The following GARRE1 variants were observed in gnomAD, a reference collection of about 807,000 sequenced individuals.
GARRE1 encodes granule associated Rac and RHOG effector 1.
A neutral mutation model predicts 103.2 loss-of-function variants in GARRE1; 49 were observed. The observed-to-expected ratio is 0.47, with a 90% CI of 0.38 to 0.60. GARRE1 has a LOEUF of 0.60. Among genes scored for constraint, GARRE1 ranks in the 20% least tolerant of loss-of-function variants. The pLI, the probability that GARRE1 is intolerant of heterozygous loss-of-function variation, is 0.00. For synonymous variants in GARRE1, 505 were observed against 532.8 expected, an observed-to-expected ratio of 0.95 and a Z score of 0.72; for missense variants, 1,199 against 1,370.5, an observed-to-expected ratio of 0.87 and a Z score of 1.98.
chr19:34,314,918 T>G (rs2074053269), intron 2 of GARRE1, among the ~76,000 whole-genome samples: 3 of 152,210 alleles, frequency 2.0e-5, no homozygotes, highest in African/African-American at 7.2e-5. Context: ...TGTAGCTCAT[T>G]ATGTAATGAC....
intron 10 of GARRE1, among the ~76,000 whole-genome samples, chr19:34,344,331 C>T (rs2074200293): frequency 6.6e-6 from 1 of 152,278 alleles, no homozygotes; most frequent in East Asian, 1.9e-4. Context: ...TGGCTCACGC[C>T]TGTAATCCCA....
intron 12 of GARRE1, 53 bp from the exon 13 acceptor site, chr19:34,351,461 T>C: frequency 7.3e-7 from 1 of 1,366,720 alleles, no homozygotes; most frequent in Admixed American, 1.7e-5. Flanking sequence ...ACCCTACAGG[T>C]GGGCTGGGCA....
At chr19:34,270,721 G>T (rs2073782221) in intron 1 of GARRE1, among the ~76,000 whole-genome samples, 1 of 152,146 alleles carries the variant, frequency 6.6e-6, no homozygotes, top group Admixed American at 6.6e-5. Flanking sequence ...ACCCGTTATA[G>T]CTTAATTTAT....
At chr19:34,316,636 G>A (rs2591847) in intron 2 of GARRE1, among the ~76,000 whole-genome samples, 61,071 of 152,088 alleles carry the variant, frequency 0.4, 15,065 homozygotes, top group Non-Finnish European at 0.55. Flanking sequence ...AATTTTTAGA[G>A]CAGATATCTG....
intron 1 of GARRE1, chr19:34,296,540 A>G: frequency 6.3e-7 from 1 of 1,595,484 alleles, no homozygotes; most frequent in Non-Finnish European, 8.5e-7. Context: ...TAGCCTCGGC[A>G]CGTGCACTCA....
chr19:34,284,051 G>C (rs1432576435), intron 1 of GARRE1, among the ~76,000 whole-genome samples: 1 of 149,986 alleles, frequency 6.7e-6, no homozygotes, highest in African/African-American at 2.5e-5. Flanking sequence ...AGGATGGTCT[G>C]GATCTCCTGA....
intron 1 of GARRE1, among the ~76,000 whole-genome samples, chr19:34,283,357 T>C (rs1224894061): frequency 2.0e-5 from 3 of 152,242 alleles, no homozygotes; most frequent in African/African-American, 7.2e-5. Flanking sequence ...TCTATTTGGT[T>C]CAAGGATTGG....
chr19:34,282,417 T>C (rs1281522182), intron 1 of GARRE1, among the ~76,000 whole-genome samples: 1 of 152,246 alleles, frequency 6.6e-6, no homozygotes, highest in East Asian at 1.9e-4. Context: ...CCCAAAGTGC[T>C]CGGATTACAG....
intron 8 of GARRE1, among the ~76,000 whole-genome samples, chr19:34,336,390 C>T (rs2074161193): frequency 6.6e-6 from 1 of 152,036 alleles, no homozygotes; most frequent in Middle Eastern, 3.4e-3. Flanking sequence ...ACCAGAGGCT[C>T]ACTTTCTGTA....
intron 8 of GARRE1, among the ~76,000 whole-genome samples, chr19:34,334,826 G>C (rs551678527): frequency 3.9e-5 from 6 of 152,154 alleles, no homozygotes; most frequent in Non-Finnish European, 8.8e-5. Context: ...GGCCGAGGCG[G>C]CCAGATCTCC....
At chr19:34,314,970 G>A (rs546900670) in intron 2 of GARRE1, among the ~76,000 whole-genome samples, 3 of 152,086 alleles carry the variant, frequency 2.0e-5, no homozygotes, top group Non-Finnish European at 4.4e-5. Flanking sequence ...TTAAGAACAA[G>A]GTTGAGGACA....
intron 1 of GARRE1, among the ~76,000 whole-genome samples, chr19:34,263,174 C>T (rs1183458278): frequency 6.6e-6 from 1 of 152,020 alleles, no homozygotes; most frequent in Non-Finnish European, 1.5e-5. Context: ...GATCGTGCCA[C>T]TGCACTCCAG....
In GARRE1 at chr19:34,318,278, G is replaced by A. The variant is rs148647747; in HGVS notation, c.496-1629G>A. Among the ~76,000 whole-genome samples the A allele has an allele frequency of 2.0e-3, 303 of 152,362 alleles. 1 individual carries two copies. The highest frequency in any genetic ancestry group is 0.01 in the Middle Eastern group (3 of 294). On this transcript the variant is annotated intron_variant, in intron 2 of 13. Transcript: ENST00000299505. The stretch of plus-strand genomic sequence containing the variant: ...GAGGCAAGGCGAGAGGTCCACATGC[G>A]TGCCACAAGGCAGAGAGTCCACGTG...
chr19:34,309,599 C>T (rs1034930385), intron 2 of GARRE1, among the ~76,000 whole-genome samples: 2 of 152,142 alleles, frequency 1.3e-5, no homozygotes, highest in Non-Finnish European at 2.9e-5. Context: ...CTCAGCCTCC[C>T]ACAACACGGG....
chr19:34,334,706 A>AC (rs958984886), intron 8 of GARRE1, among the ~76,000 whole-genome samples: 10 of 151,556 alleles, frequency 6.6e-5, no homozygotes, highest in Non-Finnish European at 1.3e-4. Context: ...CAAAAAAAAA[A>AC]AAAAAGAAAA....
At chr19:34,262,286 G>GTTTTTTTTTTTTT (rs1280386239) in intron 1 of GARRE1, among the ~76,000 whole-genome samples, 3 of 38,542 alleles carry the variant, frequency 7.8e-5, no homozygotes, top group Non-Finnish European at 2.1e-4. Flanking sequence ...CCCAGCTGCT[G>GTTTTTTTTTTTTT]CTTTTTTTTT....
chr19:34,329,705 A>T (rs542683542), intron 6 of GARRE1, among the ~76,000 whole-genome samples: 1 of 152,228 alleles, frequency 6.6e-6, no homozygotes, highest in South Asian at 2.1e-4. Context: ...GTATAGTGGC[A>T]GGCACCTATA....
chr19:34,340,691 T>C (rs1221115525), intron 9 of GARRE1, among the ~76,000 whole-genome samples: 1 of 151,980 alleles, frequency 6.6e-6, no homozygotes, highest in African/African-American at 2.4e-5. Context: ...CCCAGCTAAT[T>C]TTTGTATTTT....
chr19:34,289,738 A>G (rs1176880930), intron 1 of GARRE1, among the ~76,000 whole-genome samples: 1 of 152,112 alleles, frequency 6.6e-6, no homozygotes, highest in Non-Finnish European at 1.5e-5. Context: ...AAAAAATAAA[A>G]AAAAGTAAAT....
Sources: allele counts gnomAD v4.1 joint callset (sites outside exome capture counted in the v4.1 genomes callset), GRCh38; gene constraint gnomAD v4.1.1; transcripts MANE v1.5; gene names NCBI Gene and HGNC (gene_info 2026-07-23, HGNC 2026-07-21).